The following PUM1 variants were observed in gnomAD, a reference collection of about 807,000 sequenced individuals.
PUM1 encodes pumilio homolog 1.
A neutral mutation model predicts 131.8 loss-of-function variants in PUM1; 13 were observed. That is an observed-to-expected ratio of 0.10 (90% CI 0.06 to 0.16). PUM1 has a LOEUF of 0.16. Among genes scored for constraint, PUM1 ranks in the 10% least tolerant of loss-of-function variants. PUM1 has a pLI of 1.00. For synonymous variants in PUM1, 509 were observed against 556.5 expected, an observed-to-expected ratio of 0.91 and a Z score of 1.20; for missense variants, 961 against 1,512.4, an observed-to-expected ratio of 0.64 and a Z score of 6.05.
chr1:30,991,075 A>AG (rs1344375891), intron 7 of PUM1, among the ~76,000 whole-genome samples: 1 of 152,078 alleles, frequency 6.6e-6, no homozygotes, highest in Non-Finnish European at 1.5e-5. Flanking sequence ...CAGTTTAAAA[A>AG]AAAAAGAGAG....
intron 5 of PUM1, among the ~76,000 whole-genome samples, chr1:31,003,818 G>A (rs1178015061): frequency 3.3e-5 from 5 of 152,126 alleles, no homozygotes; most frequent in Admixed American, 2.6e-4. Context: ...CCAGAAGACT[G>A]TATATGCCAA....
intron 17 of PUM1, among the ~76,000 whole-genome samples, chr1:30,946,604 T>C (rs1309720970): frequency 2.1e-5 from 3 of 139,756 alleles, no homozygotes; most frequent in African/African-American, 5.5e-5. Context: ...GCCACTGCAC[T>C]CCAGCCTGAG....
At chr1:30,956,841 C>T in intron 14 of PUM1, among the ~76,000 whole-genome samples, 1 of 152,054 alleles carries the variant, frequency 6.6e-6, no homozygotes, top group East Asian at 1.9e-4. Context: ...ACAAACCAAC[C>T]CTGAACACTG....
chr1:30,933,371 T>A (rs550769326), intron 21 of PUM1, 29 bp from the exon 22 acceptor site: 65 of 1,607,164 alleles, frequency 4.0e-5, no homozygotes, highest in Non-Finnish European at 5.4e-5. Flanking sequence ...CTGTGTTACA[T>A]GGCCTGAGAT....
At chr1:30,945,316 T>A (rs915603039) in intron 18 of PUM1, 30 bp downstream of exon 18, 1 of 1,609,536 alleles carries the variant, frequency 6.2e-7, no homozygotes, top group Non-Finnish European at 8.5e-7. Flanking sequence ...AATAAATTTG[T>A]TTCCATTATT....
chr1:31,040,838 T>C (rs1643791632), intron 2 of PUM1, among the ~76,000 whole-genome samples: 1 of 151,910 alleles, frequency 6.6e-6, no homozygotes, highest in Admixed American at 6.6e-5. Context: ...GCTTAGAAGT[T>C]ATCCCAAAAG....
chr1:31,054,059 A>T (rs1392279660), intron 2 of PUM1, among the ~76,000 whole-genome samples: 2 of 135,066 alleles, frequency 1.5e-5, no homozygotes, highest in Non-Finnish European at 3.0e-5. Flanking sequence ...GCGTCACTGC[A>T]CTCCAGCCTG....
At chr1:31,002,061 A>G (rs1239753351) in intron 5 of PUM1, among the ~76,000 whole-genome samples, 1 of 152,226 alleles carries the variant, frequency 6.6e-6, no homozygotes, top group Non-Finnish European at 1.5e-5. Context: ...ATTTTCACAT[A>G]TGCTACACAG....
At chr1:31,037,549 C>A (rs896699124) in intron 2 of PUM1, among the ~76,000 whole-genome samples, 1 of 151,758 alleles carries the variant, frequency 6.6e-6, no homozygotes, top group Non-Finnish European at 1.5e-5. Context: ...TGAAACCCTG[C>A]CTCTACTAAA....
rs749551152 is a variant in PUM1, at chr1:30,964,910, A to G, written c.2087T>C (p.Val696Ala). The change falls in exon 14 of 22, where the codon GTT (valine) becomes GCT (alanine). Residue 696 changes from valine (V) to alanine (A), a missense_variant and splice_region_variant. Coordinates refer to ENST00000426105, the MANE Select transcript of PUM1 (RefSeq NM_001020658.2). Reference protein sequence around the residue: ...GSALGGFGTAVANSNTGSGSR... With the variant: ...GSALGGFGTAAANSNTGSGSR... ...GCCACTGCCAGTGTTGGAGTTTGCA[A>G]CTAAAATGGAATTAAAACAATGCAG... is the stretch of plus-strand genomic sequence containing the variant. The G allele has an allele frequency of 6.2e-6, 10 of 1,613,168 alleles. No homozygotes were observed. The highest frequency in any genetic ancestry group is 7.6e-6 in the Non-Finnish European group (9 of 1,179,234).
chr1:30,964,798 G>T lies in PUM1; in HGVS notation c.2199C>A (p.Asn733Lys). The T allele has an allele frequency of 6.2e-7, 1 of 1,614,058 alleles. No individual in the cohort carries two copies. The highest frequency in any genetic ancestry group is 1.1e-5 in the South Asian group (1 of 91,084). ...SLTPIGHSFY[N>K]GLSFSSSPGP... is the part of the protein sequence containing the mutation. Reference sequence around the variant, plus strand: ...CAGGAGAGGAGGAAAAGCTAAGGCCGTTATAAAAACTGTGTCCAATGGGGG... The same window carrying T: ...CAGGAGAGGAGGAAAAGCTAAGGCCTTTATAAAAACTGTGTCCAATGGGGG... Residue 733 changes from asparagine to lysine, a missense_variant, in exon 14 of 22, where the codon AAC (asparagine) becomes AAA (lysine). By Grantham distance (94) the Asn-to-Lys change is moderately conservative (BLOSUM62 0). Around this residue, in one of 4 missense-constraint regions of PUM1, gnomAD observed 654 missense variants for 923.9 expected, o/e 0.71. Transcript: ENST00000426105.
intron 7 of PUM1, 61 bp from the exon 8 acceptor site, chr1:30,981,466 A>T: frequency 9.4e-7 from 1 of 1,063,976 alleles, no homozygotes; most frequent in Non-Finnish European, 1.4e-6. Context: ...TCATTTAAAA[A>T]CCTCTCTGAC....
intron 7 of PUM1, among the ~76,000 whole-genome samples, chr1:30,985,953 T>C (rs1281041616): frequency 6.6e-6 from 1 of 151,958 alleles, no homozygotes; most frequent in Non-Finnish European, 1.5e-5. Flanking sequence ...GTCCCTAAAC[T>C]TCACTGATTT....
chr1:31,062,181 AAT>A (rs1212336620), intron 1 of PUM1, among the ~76,000 whole-genome samples: 3 of 152,200 alleles, frequency 2.0e-5, no homozygotes, highest in East Asian at 3.8e-4. Flanking sequence ...GTAACTCAAC[AAT>A]ATGTCTCATT....
rs1553150216 is a variant in PUM1 at position 31,009,782 on chromosome 1, A to AAAAAACAAAAACAAAAAC, written c.433-2681_433-2680insGTTTTTGTTTTTGTTTTT. Among the ~76,000 whole-genome samples, 78 of 125,332 alleles carry AAAAAACAAAAACAAAAAC rather than the reference A, an allele frequency of 6.2e-4. 1 individual carries two copies. In the South Asian group the frequency reaches 0.014, roughly 23 times the overall value. The allele number at this position is 125,332 out of a possible 152,430, so 82.2% of individuals were successfully genotyped here. ...GACTCTGTCTCAAAAAAAAAAAAAA[A>AAAAAACAAAAACAAAAAC]AAAAACAAAAACAGAAACAAAAAAA... On this transcript the variant is annotated intron_variant, in intron 3 of 21. Transcript: ENST00000426105.
intron 16 of PUM1, among the ~76,000 whole-genome samples, chr1:30,951,706 C>A (rs992663992): frequency 2.0e-5 from 3 of 152,098 alleles, no homozygotes; most frequent in East Asian, 1.9e-4. Context: ...GACAATGATA[C>A]AACAAGTGAA....
chr1:31,037,695 C>A (rs532100793), intron 2 of PUM1, among the ~76,000 whole-genome samples: 1 of 150,314 alleles, frequency 6.7e-6, no homozygotes, highest in East Asian at 2.0e-4. Flanking sequence ...CGACAAAGCA[C>A]GATTCAGTCT....
intron 2 of PUM1, among the ~76,000 whole-genome samples, chr1:31,055,031 T>C (rs186547814): frequency 7.6e-4 from 116 of 152,318 alleles, no homozygotes; most frequent in African/African-American, 2.7e-3. Flanking sequence ...AAGGATTATA[T>C]ATAGGAAATA....
rs1308005057 is a variant in PUM1, at chr1:31,065,469, C to A, written c.-12+147G>T. 8 of 898,838 alleles carry A rather than the reference C, an allele frequency of 8.9e-6. No homozygotes were observed. The African/African-American group carries it at 1.4e-4, about 16-fold the overall frequency. The allele number at this position is 898,838 out of a possible 1,614,324, so 55.7% of individuals were successfully genotyped here. ...ACTCCAAAACATGTACGAGGAACAG[C>A]GAGTGAGAAGCCTCAGCCAGGGCCC... is the stretch of plus-strand genomic sequence containing the variant. On this transcript the variant is annotated intron_variant, in intron 1 of 21. Transcript: ENST00000426105.
Sources: gnomAD v4.1 joint callset for allele counts (sites outside exome capture counted in the v4.1 genomes callset) on GRCh38, gnomAD v4.1.1 for gene constraint, gnomAD v4.1.1 regional missense constraint, MANE v1.5 for transcripts, NCBI Gene and HGNC (gene_info 2026-07-23, HGNC 2026-07-21) for gene names.